The following TNR variants were observed in gnomAD, a reference collection of about 807,000 sequenced individuals.
TNR encodes tenascin R.
In TNR, 45 loss-of-function variants were observed where a neutral mutation model predicts 150.4. That is an observed-to-expected ratio of 0.30 (90% CI 0.24 to 0.38). TNR has a LOEUF of 0.38. Among genes scored for constraint, TNR ranks in the 10% least tolerant of loss-of-function variants. The probability of loss-of-function intolerance (pLI) is 1.00; values close to 1 mark genes in which losing one functional copy is unlikely to be tolerated. For missense variants in TNR, 1,544 were observed against 1,759.1 expected (o/e 0.88, Z 2.19); for synonymous variants, 687 against 678.4 (o/e 1.01, Z -0.20).
At chr1:175,324,809 G>A (rs571239833) in intron 21 of TNR, among the ~76,000 whole-genome samples, 1 of 151,488 alleles carries the variant, frequency 6.6e-6, no homozygotes. Context: ...ACCCTCAGCT[G>A]TTTCCTCCCA....
chr1:175,702,733 A>G (rs1277679414), intron 1 of TNR, among the ~76,000 whole-genome samples: 1 of 152,206 alleles, frequency 6.6e-6, no homozygotes, highest in Non-Finnish European at 1.5e-5. Context: ...ATGTGGGTGC[A>G]CCTGCCCAAT....
In TNR at chr1:175,366,004, C is replaced by T; in HGVS notation, c.2188G>A (p.Val730Ile). Residue 730 changes from valine (V) to isoleucine (I), a missense_variant, in exon 11 of 23, where the codon GTC becomes ATC. Val to Ile is a conservative substitution (Grantham distance 29, BLOSUM62 3). This residue lies in a region of TNR where 1,254 missense variants were observed against 1,329.4 expected (regional missense o/e 0.94). Transcript: ENST00000367674. The part of the protein sequence containing the change: ...FTPSSGIASE[V>I]TVPKDRTSYT... The stretch of plus-strand genomic sequence containing the variant: ...GAGGTCCTGTCCTTGGGTACGGTGA[C>T]TTCTGAGGCAATCCCAGAGGATGGG... 1 of 1,614,150 alleles carries T rather than the reference C, an allele frequency of 6.2e-7. No homozygotes were observed. The highest frequency in any genetic ancestry group is 8.5e-7 in the Non-Finnish European group (1 of 1,180,020).
chr1:175,624,547 A>G (rs1321067774), intron 1 of TNR, among the ~76,000 whole-genome samples: 1 of 152,208 alleles, frequency 6.6e-6, no homozygotes, highest in Non-Finnish European at 1.5e-5. Flanking sequence ...AAAGCAAGCC[A>G]AGAAATGCTA....
intron 1 of TNR, among the ~76,000 whole-genome samples, chr1:175,554,535 T>A (rs1661073085): frequency 6.6e-6 from 1 of 152,134 alleles, no homozygotes; most frequent in Non-Finnish European, 1.5e-5. Flanking sequence ...TTCTGGCAAT[T>A]TGGTAATTAT....
intron 2 of TNR, among the ~76,000 whole-genome samples, chr1:175,485,361 T>G (rs1657967765): frequency 6.6e-6 from 1 of 152,188 alleles, no homozygotes; most frequent in Non-Finnish European, 1.5e-5. Context: ...ATTTTCTTTC[T>G]TTGATAGCCA....
chr1:175,719,892 T>C (rs904937273), intron 1 of TNR, among the ~76,000 whole-genome samples: 1 of 152,204 alleles, frequency 6.6e-6, no homozygotes, highest in Non-Finnish European at 1.5e-5. Context: ...GAGCCAAGTA[T>C]GTTTCTTCCT....
At position 175,355,598 on chromosome 1, in the gene TNR, C is replaced by T; in HGVS notation, c.3154G>A (p.Val1052Ile). The T allele has an allele frequency of 6.2e-7, 1 of 1,614,076 alleles. No individual in the cohort carries two copies. The highest frequency in any genetic ancestry group is 1.1e-5 in the South Asian group (1 of 91,074). Residue 1052 changes from valine to isoleucine, a missense_variant, in exon 17 of 23, where the codon GTC becomes ATC. Coordinates refer to ENST00000367674, the MANE Select transcript of TNR (RefSeq NM_003285.3). The stretch of plus-strand genomic sequence containing the variant: ...GAGATCAGGGCACTTTGTCTGGTGA[C>T]TTCACTGGCTGTCAGGTTTGCCGGA... ...DPPANLTASE[V>I]TRQSALISWQ...
chr1:175,539,548 G>T (rs1435949927), intron 1 of TNR, among the ~76,000 whole-genome samples: 1 of 152,192 alleles, frequency 6.6e-6, no homozygotes, highest in Non-Finnish European at 1.5e-5. Flanking sequence ...ACTGAGACCT[G>T]CTGGCTCTGG....
At chr1:175,497,533 C>G (rs1658538128) in intron 2 of TNR, among the ~76,000 whole-genome samples, 1 of 152,172 alleles carries the variant, frequency 6.6e-6, no homozygotes, top group Non-Finnish European at 1.5e-5. Context: ...ATCAAATAGT[C>G]ATTTGTGTTT....
At chr1:175,391,162 A>G in intron 7 of TNR, 126 bp downstream of exon 7, 1 of 1,214,348 alleles carries the variant, frequency 8.2e-7, no homozygotes. Context: ...GCCAGGTACC[A>G]GAATTGTCCC....
At chr1:175,472,199 A>T (rs1447953080) in intron 2 of TNR, among the ~76,000 whole-genome samples, 3 of 152,134 alleles carry the variant, frequency 2.0e-5, no homozygotes, top group Non-Finnish European at 4.4e-5. Context: ...CAGGGTCAGG[A>T]TCATCAATAT....
At chr1:175,729,511 G>A (rs543399315) in intron 1 of TNR, among the ~76,000 whole-genome samples, 3 of 151,950 alleles carry the variant, frequency 2.0e-5, no homozygotes, top group Non-Finnish European at 2.9e-5. Flanking sequence ...TCACTGCAAC[G>A]TCGAACTTCT....
intron 19 of TNR, 93 bp from the exon 20 acceptor site, chr1:175,335,900 A>G: frequency 3.5e-6 from 4 of 1,138,690 alleles, no homozygotes; most frequent in Non-Finnish European, 5.1e-6. Context: ...AGTAAAATTG[A>G]TATAACTGGG....
intron 2 of TNR, among the ~76,000 whole-genome samples, chr1:175,487,656 C>G (rs567195541): frequency 6.6e-6 from 1 of 152,262 alleles, no homozygotes; most frequent in South Asian, 2.1e-4. Flanking sequence ...GAGCAAGGCG[C>G]CTCCTTCCTC....
At chr1:175,644,132 A>C (rs904463246) in intron 1 of TNR, among the ~76,000 whole-genome samples, 1 of 152,228 alleles carries the variant, frequency 6.6e-6, no homozygotes. Context: ...TTGTTACTAC[A>C]AATTAGGGGG....
At chr1:175,514,096 C>T (rs1433061807) in intron 2 of TNR, among the ~76,000 whole-genome samples, 3 of 152,188 alleles carry the variant, frequency 2.0e-5, no homozygotes, top group Non-Finnish European at 2.9e-5. Flanking sequence ...TGTGAATATG[C>T]TACCTTATAT....
intron 2 of TNR, among the ~76,000 whole-genome samples, chr1:175,418,475 A>G (rs372977408): frequency 7.6e-4 from 116 of 152,246 alleles, no homozygotes; most frequent in African/African-American, 2.6e-3. Context: ...TGTAATCCCA[A>G]CATTTTGGGA....
At chr1:175,592,465 C>A (rs755497753) in intron 1 of TNR, among the ~76,000 whole-genome samples, 7 of 152,248 alleles carry the variant, frequency 4.6e-5, no homozygotes, top group Non-Finnish European at 8.8e-5. Flanking sequence ...CGTAGGTGAC[C>A]CAGCCCCTGC....
At chr1:175,696,216 A>AGTTTT (rs375864729) in intron 1 of TNR, among the ~76,000 whole-genome samples, 2 of 46,896 alleles carry the variant, frequency 4.3e-5, no homozygotes, top group Non-Finnish European at 7.7e-5. Flanking sequence ...GCCTTCCTGT[A>AGTTTT]GTTTTTTTTT....
Sources: gnomAD v4.1 joint callset for allele counts (sites outside exome capture counted in the v4.1 genomes callset) on GRCh38, gnomAD v4.1.1 for gene constraint, gnomAD v4.1.1 regional missense constraint, MANE v1.5 for transcripts, NCBI Gene and HGNC (gene_info 2026-07-23, HGNC 2026-07-21) for gene names.